CUEDC1: variants seen among roughly 807,000 people sequenced by gnomAD.
CUEDC1 encodes CUE domain-containing protein 1.
Under a neutral mutation model 43.7 loss-of-function variants are expected in CUEDC1, and 30 were observed. The ratio of observed to expected loss-of-function variants is 0.69; its 90% CI spans 0.51 to 0.93. The LOEUF (loss-of-function observed/expected upper bound fraction) is 0.93, where lower values mean the gene tolerates loss of function less well. Among genes scored for constraint, CUEDC1 ranks in the 40% least tolerant of loss-of-function variants. CUEDC1 has a pLI of 0.00. For synonymous variants in CUEDC1, 223 were observed against 223.6 expected (o/e 1.00, Z 0.02); for missense variants, 486 against 549.0 (o/e 0.89, Z 1.15).
chr17:57,928,685 G>A (rs764452253), intron 1 of CUEDC1, among the ~76,000 whole-genome samples: 3 of 151,762 alleles, frequency 2.0e-5, no homozygotes, highest in East Asian at 1.9e-4. Flanking sequence ...AAGAAATAGC[G>A]AAGAGGGCAA....
At chr17:57,900,572 G>A (rs1251925928) in intron 1 of CUEDC1, among the ~76,000 whole-genome samples, 1 of 152,214 alleles carries the variant, frequency 6.6e-6, no homozygotes, top group East Asian at 1.9e-4. Flanking sequence ...GCTAGGCAAA[G>A]TACTTCTCGT....
intron 1 of CUEDC1, among the ~76,000 whole-genome samples, chr17:57,934,445 T>A (rs781435567): frequency 6.6e-6 from 1 of 151,048 alleles, no homozygotes; most frequent in Admixed American, 6.6e-5. Flanking sequence ...TAGTCTCAGC[T>A]ACTTGGGAGG....
intron 1 of CUEDC1, among the ~76,000 whole-genome samples, chr17:57,940,457 G>A (rs142509773): frequency 2.7e-3 from 412 of 152,266 alleles, no homozygotes; most frequent in Non-Finnish European, 4.6e-3. Flanking sequence ...AGTAACAGGT[G>A]TCAGTTTCCT....
At chr17:57,928,667 T>C (rs2074773575) in intron 1 of CUEDC1, among the ~76,000 whole-genome samples, 1 of 151,964 alleles carries the variant, frequency 6.6e-6, no homozygotes, top group East Asian at 1.9e-4. Context: ...CGCAACCTCT[T>C]TGCTATCAAG....
At chr17:57,905,416 G>A (rs1470746196) in intron 1 of CUEDC1, among the ~76,000 whole-genome samples, 1 of 152,240 alleles carries the variant, frequency 6.6e-6, no homozygotes, top group African/African-American at 2.4e-5. Context: ...TCACAAGGAA[G>A]CTCACAGCTC....
intron 3 of CUEDC1, among the ~76,000 whole-genome samples, chr17:57,874,153 A>G (rs2074077159): frequency 6.6e-6 from 1 of 152,232 alleles, no homozygotes; most frequent in Non-Finnish European, 1.5e-5. Context: ...CCAACAGCAC[A>G]GCCTGCTGCA....
In CUEDC1 at chr17:57,951,940, G is replaced by A. The variant is rs1255266579; in HGVS notation, c.-316+3285C>T. 6.6e-5 allele frequency among the ~76,000 whole-genome samples: 10 copies of A among 152,184 alleles called. No individual in the cohort carries two copies. The East Asian group carries it at 1.2e-3, about 18-fold the overall frequency. ...CATCATCAAGAGTCTGTGATAATGCGCTGACACATCAGAGGTTCTGGGAGC... is the reference window on the plus strand; with the variant it reads ...CATCATCAAGAGTCTGTGATAATGCACTGACACATCAGAGGTTCTGGGAGC... On this transcript the variant is annotated intron_variant, in intron 1 of 10. Transcript: ENST00000577830.
At chr17:57,872,950 A>G in intron 4 of CUEDC1, 95 bp from the exon 5 acceptor site, 1 of 1,185,288 alleles carries the variant, frequency 8.4e-7, no homozygotes, top group Non-Finnish European at 1.2e-6. Flanking sequence ...GCCCTGTCCA[A>G]CATCCTCCAG....
At chr17:57,903,419 G>C (rs1488481544) in intron 1 of CUEDC1, 2 of 152,282 alleles carry the variant, frequency 1.3e-5, no homozygotes, top group Non-Finnish European at 2.9e-5. Flanking sequence ...GGCTGAGCTT[G>C]AGTCCTTTGT....
intron 1 of CUEDC1, among the ~76,000 whole-genome samples, chr17:57,916,935 G>A (rs2074648485): frequency 6.6e-6 from 1 of 152,160 alleles, no homozygotes; most frequent in African/African-American, 2.4e-5. Context: ...AAGTTTGTGA[G>A]AAGAGATGAG....
At chr17:57,936,391 T>C (rs2074862312) in intron 1 of CUEDC1, among the ~76,000 whole-genome samples, 1 of 152,208 alleles carries the variant, frequency 6.6e-6, no homozygotes, top group Admixed American at 6.5e-5. Context: ...ATTTATTTTT[T>C]AACTCTCCAG....
intron 1 of CUEDC1, chr17:57,903,443 CTG>C (rs1253070654): frequency 1.3e-5 from 2 of 152,414 alleles, no homozygotes; most frequent in Non-Finnish European, 2.9e-5. Context: ...TGAGCAAAGA[CTG>C]TAGCATTTCA....
intron 1 of CUEDC1, among the ~76,000 whole-genome samples, chr17:57,943,597 G>C (rs567764985): frequency 2.0e-5 from 3 of 152,298 alleles, no homozygotes; most frequent in African/African-American, 7.2e-5. Flanking sequence ...GGCTGCCAGG[G>C]GGAGAGGTGA....
intron 1 of CUEDC1, among the ~76,000 whole-genome samples, chr17:57,908,220 C>T (rs190687282): frequency 6.6e-6 from 1 of 152,238 alleles, no homozygotes; most frequent in African/African-American, 2.4e-5. Context: ...CCACACCTGA[C>T]AAATTTTTGT....
chr17:57,934,904 C>T (rs939836963), intron 1 of CUEDC1, among the ~76,000 whole-genome samples: 3 of 152,104 alleles, frequency 2.0e-5, no homozygotes, highest in African/African-American at 7.2e-5. Context: ...GACAGGGTTT[C>T]GCCATGTTGC....
At chr17:57,906,551 C>T (rs1267197953) in intron 1 of CUEDC1, among the ~76,000 whole-genome samples, 1 of 152,140 alleles carries the variant, frequency 6.6e-6, no homozygotes, top group East Asian at 1.9e-4. Context: ...GATGGTGGCA[C>T]AATAATGTGG....
chr17:57,885,251 G>T lies in CUEDC1; in HGVS notation c.314C>A (p.Ser105Ter). Reference protein sequence around the residue: ...SGGVYEDSSDSEDSIPPEILE... With the variant: ...SGGVYEDSSD ...TACCTCCGGGGGGATGCTGTCCTCC[G>T]AGTCGGAGCTGTCCTCATAGACGCC... The change falls in exon 2 of 11, where the codon TCG becomes TAG. Residue 105 changes from serine to a stop codon, truncating the protein, a stop_gained. Transcript: ENST00000577830. LOFTEE classifies it high-confidence loss of function. 6.3e-7 allele frequency: 1 copy of T among 1,587,426 alleles called. No individual in the cohort carries two copies. Among genetic ancestry groups the T allele is most frequent in the Non-Finnish European group, 8.6e-7 (1 of 1,164,232 alleles).
intron 1 of CUEDC1, among the ~76,000 whole-genome samples, chr17:57,919,467 C>T (rs79055167): frequency 1.3e-5 from 2 of 152,024 alleles, no homozygotes; most frequent in South Asian, 2.1e-4. Flanking sequence ...GGCGTGTGCC[C>T]GGCGATATAT....
chr17:57,930,409 G>A lies in CUEDC1; in HGVS notation c.-316+24816C>T, dbSNP rs1367820466. On this transcript the variant is annotated intron_variant, in intron 1 of 10. Transcript: ENST00000577830. The surrounding 1 kb of genome is among the most constrained non-coding windows in gnomAD (Gnocchi z 4.2). Reference sequence around the variant, plus strand: ...AAACACCTTTCCCCAACTCCAGGCTGAGTCTGGGATGCCCAGGGGCCCTTT... The same window carrying A: ...AAACACCTTTCCCCAACTCCAGGCTAAGTCTGGGATGCCCAGGGGCCCTTT... Among the ~76,000 whole-genome samples, 1 of 152,262 alleles carries A rather than the reference G, an allele frequency of 6.6e-6. No individual in the cohort carries two copies. Among genetic ancestry groups the A allele is most frequent in the Admixed American group, 6.5e-5 (1 of 15,292 alleles).
Sources: gnomAD v4.1 joint callset for allele counts (sites outside exome capture counted in the v4.1 genomes callset) on GRCh38, gnomAD v4.1.1 for gene constraint, Gnocchi (gnomAD v3.1) non-coding constraint, MANE v1.5 for transcripts, NCBI Gene and HGNC (gene_info 2026-07-23, HGNC 2026-07-21) for gene names.